The following GOLGA4 variants were observed in gnomAD, a reference collection of about 807,000 sequenced individuals.
GOLGA4 encodes golgin A4, also known as golgin subfamily A member 4.
GOLGA4 carries 169 observed loss-of-function variants against 265.9 expected under a neutral mutation model. The ratio of observed to expected loss-of-function variants is 0.64; its 90% confidence interval spans 0.56 to 0.72. GOLGA4 has a LOEUF of 0.72. Ranked by LOEUF, GOLGA4 falls within the 30% of genes least tolerant of loss-of-function variation. The pLI is 0.00. For synonymous variants in GOLGA4, 923 were observed against 855.8 expected (o/e 1.08, Z -1.37); for missense variants, 2,482 against 2,483.4 (o/e 1.00, Z 0.01).
At chr3:37,354,799 T>A (rs945946034) in intron 21 of GOLGA4, among the ~76,000 whole-genome samples, 45 of 152,128 alleles carry the variant, frequency 3.0e-4, no homozygotes, top group Non-Finnish European at 6.2e-4. Context: ...ATAAGCCTTT[T>A]AAAATGAATA....
At chr3:37,292,480 G>C (rs763147593) in intron 5 of GOLGA4, among the ~76,000 whole-genome samples, 10 of 152,176 alleles carry the variant, frequency 6.6e-5, no homozygotes, top group African/African-American at 2.2e-4. Flanking sequence ...GAGGTCAAGA[G>C]ATCGAGACCA....
chr3:37,337,097 T>C (rs764773364), intron 17 of GOLGA4, 46 bp from the exon 18 acceptor site: 5 of 1,161,814 alleles, frequency 4.3e-6, no homozygotes, highest in East Asian at 2.3e-5. Context: ...CTGTTTCTTA[T>C]AGCTATTATT....
At chr3:37,304,444 A>G (rs1318409389) in intron 10 of GOLGA4, among the ~76,000 whole-genome samples, 1 of 152,230 alleles carries the variant, frequency 6.6e-6, no homozygotes, top group Admixed American at 6.5e-5. Flanking sequence ...ATCTTTCAGA[A>G]TATAATCTTT....
intron 16 of GOLGA4, among the ~76,000 whole-genome samples, chr3:37,333,910 CCTAA>C (rs1160312389): frequency 6.6e-6 from 1 of 152,092 alleles, no homozygotes; most frequent in Non-Finnish European, 1.5e-5. Flanking sequence ...TGCCATAGGG[CCTAA>C]CTATGTTTGC....
chr3:37,318,560 G>GT (rs397948246), intron 11 of GOLGA4, among the ~76,000 whole-genome samples: 2,331 of 149,618 alleles, frequency 0.016, 53 homozygotes, highest in African/African-American at 0.054. Flanking sequence ...CCCCCATTCT[G>GT]TTTTTTTTTA....
At chr3:37,344,039 A>G (rs917817634) in intron 20 of GOLGA4, among the ~76,000 whole-genome samples, 6 of 152,224 alleles carry the variant, frequency 3.9e-5, no homozygotes, top group Non-Finnish European at 8.8e-5. Flanking sequence ...CACATTATCT[A>G]TATGGTTACC....
At chr3:37,343,173 G>A (rs1559460072) in intron 20 of GOLGA4, among the ~76,000 whole-genome samples, 4 of 152,216 alleles carry the variant, frequency 2.6e-5, no homozygotes, top group Admixed American at 1.3e-4. Context: ...CCATGCTGGA[G>A]CGCAATGGCG....
At chr3:37,309,829 G>A (rs909090830) in intron 10 of GOLGA4, among the ~76,000 whole-genome samples, 5 of 152,222 alleles carry the variant, frequency 3.3e-5, no homozygotes, top group African/African-American at 1.2e-4. Context: ...CACGTATTTG[G>A]AAAAGGGAGA....
intron 13 of GOLGA4, 71 bp downstream of exon 13, chr3:37,321,957 C>A: frequency 2.4e-6 from 3 of 1,275,652 alleles, no homozygotes; most frequent in South Asian, 2.9e-5. Flanking sequence ...TGTCTCTAGT[C>A]AGTATAAAGT....
rs1375290747 is a variant in GOLGA4 at position 37,362,780 on chromosome 3, C to CCTTTTTTTTTTTTTTTTTT, written c.*33+1475_*33+1476insCTTTTTTTTTTTTTTTTTT. Among the ~76,000 whole-genome samples the CCTTTTTTTTTTTTTTTTTT allele has an allele frequency of 2.3e-3, 177 of 75,452 alleles. 4 individuals carry two copies. Among genetic ancestry groups the CCTTTTTTTTTTTTTTTTTT allele is most frequent in the South Asian group, 6.8e-3 (19 of 2,796 alleles). The allele number at this position is 75,452 out of a possible 152,430, so 49.5% of individuals were successfully genotyped here. ...CGATCTTCCTACCTCAGCCTCTAAG[C>CCTTTTTTTTTTTTTTTTTT]TTTTTTTTTTTTTTTTTTTTGAGAC... On this transcript the variant is annotated intron_variant, in intron 23 of 23. Transcript: ENST00000361924.
chr3:37,357,282 C>T (rs953497719), intron 22 of GOLGA4, among the ~76,000 whole-genome samples: 1 of 152,044 alleles, frequency 6.6e-6, no homozygotes, highest in African/African-American at 2.4e-5. Context: ...AAGTCTCATC[C>T]ATCATTATCT....
At chr3:37,328,689 C>A in intron 15 of GOLGA4, 152 bp downstream of exon 15, 2 of 807,454 alleles carry the variant, frequency 2.5e-6, no homozygotes, top group Middle Eastern at 3.8e-4. Context: ...GGAACCTGCC[C>A]TGCTTGGCAA....
rs6791335 is a variant in GOLGA4 at position 37,270,042 on chromosome 3, C to T, written c.163-11916C>T. Among the ~76,000 whole-genome samples the T allele has an allele frequency of 8.7e-3, 1,299 of 150,080 alleles. 24 individuals carry two copies. The highest frequency in any genetic ancestry group is 0.03 in the African/African-American group (1,234 of 40,816). On this transcript the variant is annotated intron_variant, in intron 2 of 23. Transcript: ENST00000361924. ...CCAAGCAGCTGGTATTACAGGTGCT[C>T]GCCACCATGCCTGGCTAACTTTTTT... is the stretch of plus-strand genomic sequence containing the variant.
Position 37,366,185 on chromosome 3 carries a change from C to G in GOLGA4, c.*139C>G, listed in dbSNP as rs1461197873. On this transcript the variant is annotated 3_prime_UTR_variant, in exon 24 of 24. Transcript: ENST00000361924. The stretch of plus-strand genomic sequence containing the variant: ...TGAGAATGAAGTTGTCATTCAGGGC[C>G]CCTCATGTAGCCAAAAGACCAAGAA... 3 of 1,137,832 alleles carry G rather than the reference C, an allele frequency of 2.6e-6. No homozygotes were observed. The highest frequency in any genetic ancestry group is 2.7e-5 in the East Asian group (1 of 37,428). 70.5% of individuals were successfully genotyped at this position (1,137,832 alleles called of 1,614,324 possible). A position where few individuals can be genotyped will look rare whatever the true frequency, so the allele number is the denominator to read the frequency against.
In GOLGA4 at chr3:37,246,175, C is replaced by T. The variant is rs886350133; in HGVS notation, c.72+2553C>T. ...TACAAAAATTAGTGGGGCGTGGTGG[C>T]GCACACCTGTAATCCTGGCTACTCC... On this transcript the variant is annotated intron_variant, in intron 1 of 23. Transcript: ENST00000361924. Among the ~76,000 whole-genome samples the T allele has an allele frequency of 3.3e-5, 5 of 151,946 alleles. 1 individual carries two copies. Among genetic ancestry groups the T allele is most frequent in the African/African-American group, 4.8e-5 (2 of 41,370 alleles).
At chr3:37,317,127 A>G (rs2150934872) in intron 11 of GOLGA4, among the ~76,000 whole-genome samples, 1 of 152,204 alleles carries the variant, frequency 6.6e-6, no homozygotes, top group Admixed American at 6.5e-5. Context: ...ATAGATATTT[A>G]GATTGTTTTC....
intron 21 of GOLGA4, 69 bp from the exon 22 acceptor site, chr3:37,355,032 A>T (rs2097086633): frequency 2.3e-6 from 2 of 874,968 alleles, no homozygotes; most frequent in South Asian, 2.7e-5. Flanking sequence ...CCAGCAGAAC[A>T]TGTCAGAATG....
intron 20 of GOLGA4, among the ~76,000 whole-genome samples, chr3:37,346,379 T>C (rs1051690618): frequency 2.0e-5 from 3 of 152,152 alleles, no homozygotes; most frequent in Non-Finnish European, 4.4e-5. Context: ...AAATCGATTT[T>C]AATGTTTTAT....
intron 20 of GOLGA4, among the ~76,000 whole-genome samples, chr3:37,344,113 C>T (rs1437162113): frequency 2.0e-5 from 3 of 152,236 alleles, no homozygotes; most frequent in Non-Finnish European, 4.4e-5. Flanking sequence ...TTCAGACTAA[C>T]TGAAACTGGT....
Sources: allele counts gnomAD v4.1 joint callset (sites outside exome capture counted in the v4.1 genomes callset), GRCh38; gene constraint gnomAD v4.1.1; transcripts MANE v1.5; gene names NCBI Gene and HGNC (gene_info 2026-07-23, HGNC 2026-07-21).